CDKL4: variants seen among roughly 807,000 people sequenced by gnomAD.
CDKL4 encodes the protein cyclin-dependent kinase-like 4.
CDKL4 carries 44 observed loss-of-function variants against 42.0 expected under a neutral mutation model. The ratio of observed to expected loss-of-function variants is 1.05; its 90% CI spans 0.82 to 1.35. The LOEUF is 1.35. CDKL4 is among the 40% of genes most tolerant of loss of function. The pLI is 0.00. For synonymous variants in CDKL4, 120 were observed against 121.6 expected (o/e 0.99, Z 0.09); for missense variants, 393 against 369.9 (o/e 1.06, Z -0.51).
intron 1 of CDKL4, among the ~76,000 whole-genome samples, chr2:39,235,789 C>A (rs1258654647): frequency 6.6e-6 from 1 of 151,788 alleles, no homozygotes; most frequent in African/African-American, 2.4e-5. Flanking sequence ...ATAACAAACA[C>A]CCCACAATTG....
chr2:39,169,822 A>G, the CDKL4 span, among the ~76,000 whole-genome samples: 3 of 152,130 alleles, frequency 2.0e-5, no homozygotes, highest in Admixed American at 2.0e-4. Flanking sequence ...TTTTTGAGAC[A>G]GGGTCTCACT....
intron 5 of CDKL4, among the ~76,000 whole-genome samples, chr2:39,200,573 A>C (rs183269215): frequency 2.1e-4 from 32 of 152,306 alleles, no homozygotes; most frequent in Admixed American, 5.9e-4. Context: ...GGATTATCCT[A>C]CCTGACTTCA....
At chr2:39,208,596 GCCT>G (rs1677359253) in intron 4 of CDKL4, among the ~76,000 whole-genome samples, 1 of 151,968 alleles carries the variant, frequency 6.6e-6, no homozygotes, top group African/African-American at 2.4e-5. Flanking sequence ...ACCAGCCTCG[GCCT>G]CCCAAAGTGC....
At chr2:39,234,933 AT>A (rs1346533630) in intron 1 of CDKL4, among the ~76,000 whole-genome samples, 1 of 151,958 alleles carries the variant, frequency 6.6e-6, no homozygotes, top group Non-Finnish European at 1.5e-5. Flanking sequence ...CTGTTGCTCA[AT>A]CTAAAGTGCA....
At chr2:39,213,183 C>T (rs1051815918) in intron 4 of CDKL4, among the ~76,000 whole-genome samples, 7 of 152,026 alleles carry the variant, frequency 4.6e-5, no homozygotes, top group Admixed American at 4.6e-4. Context: ...CAGGGTCTTG[C>T]TATGTTGCCC....
intron 1 of CDKL4, among the ~76,000 whole-genome samples, chr2:39,232,332 G>C (rs1484987122): frequency 6.6e-6 from 1 of 152,134 alleles, no homozygotes; most frequent in African/African-American, 2.4e-5. Flanking sequence ...AAATTCCTTT[G>C]TGGAATTTAC....
chr2:39,210,810 C>T (rs536183829), intron 4 of CDKL4, among the ~76,000 whole-genome samples: 1 of 152,230 alleles, frequency 6.6e-6, no homozygotes, highest in Non-Finnish European at 1.5e-5. Context: ...CATCAGAAAG[C>T]ACAATTTGCA....
intron 5 of CDKL4, among the ~76,000 whole-genome samples, chr2:39,195,592 C>A (rs976507716): frequency 3.3e-5 from 5 of 151,690 alleles, no homozygotes; most frequent in African/African-American, 4.8e-5. Flanking sequence ...TGCTTATTGG[C>A]CATTCGTATA....
At chr2:39,208,367 G>C (rs1234409398) in intron 4 of CDKL4, among the ~76,000 whole-genome samples, 1 of 151,176 alleles carries the variant, frequency 6.6e-6, no homozygotes, top group Non-Finnish European at 1.5e-5. Flanking sequence ...TTGAGACAGA[G>C]TCGCTCTTTG....
intron 5 of CDKL4, among the ~76,000 whole-genome samples, chr2:39,194,781 A>G (rs1426836478): frequency 6.6e-6 from 1 of 152,218 alleles, no homozygotes; most frequent in East Asian, 1.9e-4. Flanking sequence ...ATCTATATAT[A>G]GGAGGAGCTT....
chr2:39,225,027 A>G (rs925208136), intron 3 of CDKL4, among the ~76,000 whole-genome samples: 2 of 152,162 alleles, frequency 1.3e-5, no homozygotes, highest in African/African-American at 4.8e-5. Flanking sequence ...AGTTCTCAGA[A>G]CAACGTTGCA....
intron 4 of CDKL4, 109 bp downstream of exon 4, chr2:39,213,291 G>C (rs1677695475): frequency 1.4e-6 from 1 of 701,504 alleles, no homozygotes; most frequent in African/African-American, 1.8e-5. Context: ...TTGCTTCTTT[G>C]GCTCTTACTT....
chr2:39,230,517 G>A (rs1354117284), intron 1 of CDKL4, among the ~76,000 whole-genome samples: 2 of 152,110 alleles, frequency 1.3e-5, no homozygotes. Flanking sequence ...TGGAAATACT[G>A]GGTTTTTCTG....
Position 39,178,987 on chromosome 2 carries a change from A to AT in CDKL4, c.927+199dup, listed in dbSNP as rs146164108. The AT allele has an allele frequency of 0.015, 21,995 of 1,441,886 alleles. 2,753 individuals are homozygous for AT. The African/African-American group carries it at 0.27, about 18-fold the overall frequency. 89.3% of individuals were successfully genotyped at this position (1,441,886 alleles called of 1,614,324 possible). A position where few individuals can be genotyped will look rare whatever the true frequency, so the allele number is the denominator to read the frequency against. ...TTGATTCAGGTGTGTTTGGAATAAG[A>AT]TTTTTGCAATAATCTTGATATTTTC... On this transcript the variant is annotated intron_variant, in intron 9 of 9. Transcript: ENST00000451199.
intron 4 of CDKL4, among the ~76,000 whole-genome samples, 176 bp from the exon 5 acceptor site, chr2:39,204,793 C>T (rs990799400): frequency 7.9e-5 from 12 of 151,762 alleles, no homozygotes; most frequent in Non-Finnish European, 1.6e-4. Context: ...CTTGTCATAC[C>T]AAAATTAAAA....
At chr2:39,197,311 C>G (rs1676575253) in intron 5 of CDKL4, among the ~76,000 whole-genome samples, 1 of 152,128 alleles carries the variant, frequency 6.6e-6, no homozygotes, top group Non-Finnish European at 1.5e-5. Flanking sequence ...ATGAACAAAG[C>G]CTCCAAGAAG....
At chr2:39,224,025 AG>A (rs1390696064) in intron 3 of CDKL4, among the ~76,000 whole-genome samples, 2 of 152,202 alleles carry the variant, frequency 1.3e-5, no homozygotes, top group African/African-American at 4.8e-5. Context: ...CATTTATGAA[AG>A]TTTTTTTTGA....
At chr2:39,183,732 C>A (rs1180733545) in intron 8 of CDKL4, among the ~76,000 whole-genome samples, 1 of 152,104 alleles carries the variant, frequency 6.6e-6, no homozygotes, top group African/African-American at 2.4e-5. Flanking sequence ...TGGGTGAAAG[C>A]AGATCTGGGC....
At chr2:39,173,326 G>A (rs994358163), downstream of CDKL4, among the ~76,000 whole-genome samples, 2 of 152,206 alleles carry the variant, frequency 1.3e-5, no homozygotes, top group Non-Finnish European at 2.9e-5. Flanking sequence ...GTTCAGCAAA[G>A]TTGCCTTTTA....
Sources: allele counts gnomAD v4.1 joint callset (sites outside exome capture counted in the v4.1 genomes callset), GRCh38; gene constraint gnomAD v4.1.1; transcripts MANE v1.5; gene names NCBI Gene and HGNC (gene_info 2026-07-23, HGNC 2026-07-21).